The following PLCG2 variants were observed in gnomAD, a reference collection of about 807,000 sequenced individuals.
The protein encoded by PLCG2 is phospholipase C gamma 2, also known as 1-phosphatidylinositol 4,5-bisphosphate phosphodiesterase gamma-2.
A neutral mutation model predicts 175.6 loss-of-function variants in PLCG2; 69 were observed. The ratio of observed to expected loss-of-function variants is 0.39; its 90% CI spans 0.32 to 0.48. The LOEUF (loss-of-function observed/expected upper bound fraction) is 0.48, where lower values mean the gene tolerates loss of function less well. Among genes scored for constraint, PLCG2 ranks in the 20% least tolerant of loss-of-function variants. The pLI is 0.91. For missense variants in PLCG2, 1,798 were observed against 1,650.9 expected, an observed-to-expected ratio of 1.09 and a Z score of -1.54; for synonymous variants, 827 against 624.0, an observed-to-expected ratio of 1.33 and a Z score of -4.85.
At position 81,811,173 on chromosome 16, in the gene PLCG2, C is replaced by G. The variant is rs578179293; in HGVS notation, c.193+24991C>G. Among the ~76,000 whole-genome samples the G allele has an allele frequency of 7.2e-5, 11 of 152,288 alleles. No individual in the cohort carries two copies. The South Asian group carries it at 1.9e-3, about 26-fold the overall frequency. Reference sequence around the variant, plus strand: ...GGGTTGAACAAGCCTGGGCTTGCCTCCTGAGTCTCCCATTCTGTCTGTGTG... The same window carrying G: ...GGGTTGAACAAGCCTGGGCTTGCCTGCTGAGTCTCCCATTCTGTCTGTGTG... On this transcript the variant is annotated intron_variant, in intron 2 of 32. Transcript: ENST00000564138.
chr16:81,864,942 C>G (rs758965581), intron 5 of PLCG2, among the ~76,000 whole-genome samples: 3 of 152,076 alleles, frequency 2.0e-5, no homozygotes, highest in Non-Finnish European at 4.4e-5. Flanking sequence ...AAGGGATTCC[C>G]TTGTTTCCTA....
At chr16:81,862,293 T>C (rs750469298) in intron 5 of PLCG2, among the ~76,000 whole-genome samples, 1 of 152,332 alleles carries the variant, frequency 6.6e-6, no homozygotes, top group South Asian at 2.1e-4. Flanking sequence ...AAGCACGCTG[T>C]TTCATTTTTT....
At chr16:81,769,963 T>C (rs1417535712) in intron 2 of PLCG2, among the ~76,000 whole-genome samples, 2 of 151,878 alleles carry the variant, frequency 1.3e-5, no homozygotes, top group African/African-American at 4.8e-5. Context: ...CTGAAAGTAA[T>C]GGAGCTTCCC....
intron 2 of PLCG2, among the ~76,000 whole-genome samples, chr16:81,817,272 C>T (rs932400457): frequency 1.3e-5 from 2 of 152,152 alleles, no homozygotes; most frequent in African/African-American, 2.4e-5. Flanking sequence ...TGCATCCATC[C>T]CCCATGTATA....
intron 7 of PLCG2, among the ~76,000 whole-genome samples, chr16:81,874,948 G>GTTTTTTTGTTTTTTTGTTC (rs1907695346): frequency 0.013 from 522 of 40,782 alleles, 60 homozygotes; most frequent in Middle Eastern, 0.096. Context: ...TATCCTATGT[G>GTTTTTTTGTTTTTTTGTTC]TTTTTTTTTT....
At chr16:81,760,506 A>G (rs1452931209) in intron 2 of PLCG2, among the ~76,000 whole-genome samples, 2 of 152,114 alleles carry the variant, frequency 1.3e-5, no homozygotes, top group Non-Finnish European at 2.9e-5. Context: ...GTGTGGGAAA[A>G]CAAGATCTGG....
intron 3 of PLCG2, 135 bp from the exon 4 acceptor site, chr16:81,858,128 C>T (rs906133326): frequency 5.7e-6 from 4 of 700,578 alleles, no homozygotes; most frequent in African/African-American, 1.8e-5. Context: ...AAAGGGGATG[C>T]TTTCTTTGCC....
intron 3 of PLCG2, among the ~76,000 whole-genome samples, chr16:81,855,184 C>G (rs1289732352): frequency 7.0e-6 from 1 of 142,826 alleles, no homozygotes; most frequent in Non-Finnish European, 1.5e-5. Context: ...CAGAGCAAGA[C>G]TCTGTCTCAA....
intron 25 of PLCG2, 148 bp downstream of exon 25, chr16:81,931,802 A>T: frequency 1.5e-6 from 1 of 678,594 alleles, no homozygotes; most frequent in Admixed American, 2.6e-5. Context: ...GATTCAGACA[A>T]TTGGAGCACC....
chr16:81,908,702 C>A, intron 17 of PLCG2, 111 bp downstream of exon 17: 1 of 917,388 alleles, frequency 1.1e-6, no homozygotes, highest in Non-Finnish European at 1.6e-6. Flanking sequence ...GGACCTGAAT[C>A]CCAGGCTTCA....
chr16:81,897,498 G>T (rs1177594276), intron 13 of PLCG2, among the ~76,000 whole-genome samples: 2 of 151,856 alleles, frequency 1.3e-5, no homozygotes, highest in East Asian at 1.9e-4. Context: ...AGTAACTGTT[G>T]AGTCAATAAG....
intron 19 of PLCG2, 51 bp from the exon 20 acceptor site, chr16:81,919,433 G>A (rs1909971844): frequency 6.7e-7 from 1 of 1,483,206 alleles, no homozygotes; most frequent in Non-Finnish European, 9.4e-7. Context: ...TGTAAAAATT[G>A]TTTGGCCACC....
intron 2 of PLCG2, among the ~76,000 whole-genome samples, chr16:81,772,104 G>A (rs542815133): frequency 6.6e-6 from 1 of 152,176 alleles, no homozygotes; most frequent in East Asian, 1.9e-4. Context: ...TCTTTATGGA[G>A]GTAATTAAGT....
At chr16:81,920,300 A>C (rs1217487080) in intron 20 of PLCG2, among the ~76,000 whole-genome samples, 1 of 152,136 alleles carries the variant, frequency 6.6e-6, no homozygotes, top group Non-Finnish European at 1.5e-5. Flanking sequence ...TAATTTATTG[A>C]AGAGAGATTT....
At chr16:81,786,632 C>T (rs1910984613) in intron 2 of PLCG2, among the ~76,000 whole-genome samples, 1 of 152,148 alleles carries the variant, frequency 6.6e-6, no homozygotes, top group South Asian at 2.1e-4. Flanking sequence ...AGTCTCCAAG[C>T]AGGGAGAGTG....
chr16:81,875,162 C>A (rs1907719312), intron 7 of PLCG2, among the ~76,000 whole-genome samples: 1 of 151,854 alleles, frequency 6.6e-6, no homozygotes, highest in Non-Finnish European at 1.5e-5. Context: ...CGGGGTTTCA[C>A]CGTGTTGGCC....
At chr16:81,862,687 T>C (rs968632253) in intron 5 of PLCG2, among the ~76,000 whole-genome samples, 2 of 152,076 alleles carry the variant, frequency 1.3e-5, no homozygotes, top group African/African-American at 4.8e-5. Context: ...TTGGGCAACA[T>C]GGGGAAACCC....
chr16:81,929,044 TCTC>T (rs1456214941), intron 24 of PLCG2, among the ~76,000 whole-genome samples: 3 of 152,172 alleles, frequency 2.0e-5, no homozygotes, highest in Non-Finnish European at 4.4e-5. Flanking sequence ...GCCTGTCACT[TCTC>T]CTCTTTGAAC....
intron 2 of PLCG2, among the ~76,000 whole-genome samples, chr16:81,774,053 C>T (rs1402032758): frequency 6.6e-6 from 1 of 151,758 alleles, no homozygotes; most frequent in African/African-American, 2.4e-5. Context: ...AACCATGGGT[C>T]GGGCACAGTG....
Sources: gnomAD v4.1 joint callset for allele counts (sites outside exome capture counted in the v4.1 genomes callset) on GRCh38, gnomAD v4.1.1 for gene constraint, MANE v1.5 for transcripts, NCBI Gene and HGNC (gene_info 2026-07-23, HGNC 2026-07-21) for gene names.